The following LMX1A variants were observed in gnomAD, a reference collection of about 807,000 sequenced individuals.
LMX1A encodes the protein LIM homeobox transcription factor 1 alpha, also known as LIM homeobox transcription factor 1-alpha.
In LMX1A, 15 loss-of-function variants were observed where a neutral mutation model predicts 49.1. The ratio of observed to expected loss-of-function variants is 0.31; its 90% CI spans 0.20 to 0.47. The LOEUF is 0.47. Ranked by LOEUF, LMX1A falls within the 20% of genes least tolerant of loss-of-function variation. LMX1A has a pLI of 1.00. For missense variants in LMX1A, 372 were observed against 475.8 expected, an observed-to-expected ratio of 0.78 and a Z score of 2.03; for synonymous variants, 167 against 185.7, an observed-to-expected ratio of 0.90 and a Z score of 0.82.
intron 3 of LMX1A, among the ~76,000 whole-genome samples, chr1:165,332,233 C>G (rs1655769123): frequency 6.6e-6 from 1 of 152,008 alleles, no homozygotes; most frequent in Admixed American, 6.5e-5. Context: ...GAACAAACAA[C>G]AGAGTGCATA....
At chr1:165,306,552 A>C (rs968091817) in intron 3 of LMX1A, among the ~76,000 whole-genome samples, 3 of 152,192 alleles carry the variant, frequency 2.0e-5, no homozygotes, top group African/African-American at 7.2e-5. Flanking sequence ...TTAAGTCTTT[A>C]GTTCTAGGAT....
chr1:165,287,054 A>G (rs1038319889), intron 3 of LMX1A, among the ~76,000 whole-genome samples: 1 of 152,146 alleles, frequency 6.6e-6, no homozygotes, highest in South Asian at 2.1e-4. Context: ...GTTAATAGAA[A>G]GAATAAATCA....
chr1:165,344,951 G>T (rs1201181340), intron 3 of LMX1A, among the ~76,000 whole-genome samples: 1 of 152,226 alleles, frequency 6.6e-6, no homozygotes, highest in East Asian at 1.9e-4. Flanking sequence ...TCAGGCTCAG[G>T]CTGTCGGGTG....
At position 165,219,992 on chromosome 1, in the gene LMX1A, A is replaced by T. The variant is rs551270767; in HGVS notation, c.497-6179T>A. Among the ~76,000 whole-genome samples, 9 of 152,328 alleles carry T rather than the reference A, an allele frequency of 5.9e-5. No homozygotes were observed. In the East Asian group the frequency reaches 1.7e-3, roughly 29 times the overall value. The stretch of plus-strand genomic sequence containing the variant: ...ATGAATGACACAAATGGTGACCAGG[A>T]GTTGCCAGGGAGAAAAGGGGAGAGA... On this transcript the variant is annotated intron_variant, in intron 4 of 8. Coordinates refer to ENST00000342310, the MANE Select transcript of LMX1A (RefSeq NM_177398.4).
chr1:165,266,920 TTG>T (rs1653643839), intron 3 of LMX1A, among the ~76,000 whole-genome samples: 2 of 152,078 alleles, frequency 1.3e-5, no homozygotes, highest in African/African-American at 2.4e-5. Context: ...GCTTGCTTGC[TTG>T]CTTTCTCTCT....
chr1:165,254,527 G>T (rs754100957), intron 3 of LMX1A, among the ~76,000 whole-genome samples: 9 of 152,194 alleles, frequency 5.9e-5, no homozygotes, highest in East Asian at 1.9e-4. Context: ...AATTCAAGGA[G>T]AAAAGGTGCA....
intron 6 of LMX1A, among the ~76,000 whole-genome samples, chr1:165,209,011 G>A (rs1051593652): frequency 2.6e-5 from 4 of 152,176 alleles, no homozygotes; most frequent in Admixed American, 6.5e-5. Context: ...AGGGTTCCAC[G>A]AGATGATGAC....
rs191500809 is a variant in LMX1A at position 165,321,156 on chromosome 1, G to C, written c.263+31920C>G. ...AGTCAAATACAAAAGACCTCACGCT[G>C]TATGATTTCATTTATGTGAAATGTC... On this transcript the variant is annotated intron_variant, in intron 3 of 8. Transcript: ENST00000342310. 1.5e-3 allele frequency among the ~76,000 whole-genome samples: 222 copies of C among 152,280 alleles called. 2 individuals carry two copies. Among genetic ancestry groups the C allele is most frequent in the Non-Finnish European group, 2.1e-3 (141 of 68,008 alleles).
chr1:165,287,256 G>A (rs1033300675), intron 3 of LMX1A, among the ~76,000 whole-genome samples: 5 of 152,076 alleles, frequency 3.3e-5, no homozygotes, highest in Admixed American at 3.3e-4. Context: ...GGCAGAATAT[G>A]ACCAGTGACT....
At chr1:165,291,148 AAC>A (rs755289327) in intron 3 of LMX1A, among the ~76,000 whole-genome samples, 1 of 152,244 alleles carries the variant, frequency 6.6e-6, no homozygotes, top group Non-Finnish European at 1.5e-5. Context: ...CCACCTTAGC[AAC>A]AGTTTCAATT....
chr1:165,204,960 T>G (rs1651013571), intron 8 of LMX1A, among the ~76,000 whole-genome samples: 1 of 152,016 alleles, frequency 6.6e-6, no homozygotes, highest in African/African-American at 2.4e-5. Flanking sequence ...TTGCTGAATG[T>G]GTGATATGGG....
At chr1:165,324,244 C>T (rs1444497250) in intron 3 of LMX1A, among the ~76,000 whole-genome samples, 1 of 152,210 alleles carries the variant, frequency 6.6e-6, no homozygotes, top group Admixed American at 6.5e-5. Context: ...TAACGCCCAC[C>T]TAGGGCTGAA....
intron 3 of LMX1A, among the ~76,000 whole-genome samples, chr1:165,289,243 A>G (rs1289723547): frequency 4.2e-4 from 1 of 2,386 alleles, no homozygotes; most frequent in Admixed American, 4.1e-3. Context: ...GATTATTGAT[A>G]AAAAAAAAAA....
At chr1:165,350,199 C>CAAAAAAAAAAAAAAAAAAAAAA (rs1656385207) in intron 3 of LMX1A, among the ~76,000 whole-genome samples, 1 of 87,184 alleles carries the variant, frequency 1.1e-5, no homozygotes, top group African/African-American at 4.7e-5. Context: ...AAAAAAAAAG[C>CAAAAAAAAAAAAAAAAAAAAAA]AAAGCTATGT....
intron 3 of LMX1A, among the ~76,000 whole-genome samples, chr1:165,309,878 A>C (rs1173913340): frequency 6.6e-6 from 1 of 152,198 alleles, no homozygotes; most frequent in Non-Finnish European, 1.5e-5. Context: ...GAGAAAAAAA[A>C]TGAGAAAAAT....
At chr1:165,275,202 T>G (rs780971050) in intron 3 of LMX1A, among the ~76,000 whole-genome samples, 1 of 152,312 alleles carries the variant, frequency 6.6e-6, no homozygotes, top group South Asian at 2.1e-4. Flanking sequence ...AACTCAACTC[T>G]TCCCAATTTC....
At chr1:165,285,308 A>G (rs1438839198) in intron 3 of LMX1A, among the ~76,000 whole-genome samples, 1 of 152,170 alleles carries the variant, frequency 6.6e-6, no homozygotes, top group Non-Finnish European at 1.5e-5. Context: ...GCCCTGTAGG[A>G]TGAGTTTCAG....
At chr1:165,293,382 C>T (rs6679722) in intron 3 of LMX1A, among the ~76,000 whole-genome samples, 152,311 of 152,338 alleles carry the variant, frequency 1, 76,142 homozygotes, top group Non-Finnish European at 1. Context: ...CAGGTAGTAG[C>T]AACACCCCTG....
chr1:165,265,620 T>C (rs1653598751), intron 3 of LMX1A, among the ~76,000 whole-genome samples: 1 of 152,180 alleles, frequency 6.6e-6, no homozygotes, highest in Non-Finnish European at 1.5e-5. Flanking sequence ...TCAACCTCCA[T>C]TGCACTGTAC....
Sources: allele counts gnomAD v4.1 joint callset (sites outside exome capture counted in the v4.1 genomes callset), GRCh38; gene constraint gnomAD v4.1.1; transcripts MANE v1.5; gene names NCBI Gene and HGNC (gene_info 2026-07-23, HGNC 2026-07-21).